Variants in RBFOX1 observed in about 807,000 individuals in gnomAD.
RBFOX1 encodes the protein RNA binding protein fox-1 homolog 1.
Under a neutral mutation model 57.7 loss-of-function variants are expected in RBFOX1, and 8 were observed. The ratio of observed to expected loss-of-function variants is 0.14; its 90% CI spans 0.08 to 0.25. The LOEUF (loss-of-function observed/expected upper bound fraction) is 0.25, where lower values mean the gene tolerates loss of function less well. Among genes scored for constraint, RBFOX1 ranks in the 10% least tolerant of loss-of-function variants. RBFOX1 has a pLI of 1.00. For missense variants in RBFOX1, 611 were observed against 548.5 expected (o/e 1.11, Z -1.14); for synonymous variants, 326 against 222.4 (o/e 1.47, Z -4.15).
chr16:6,589,707 A>C (rs1332894238), intron 2 of RBFOX1, among the ~76,000 whole-genome samples: 1 of 152,220 alleles, frequency 6.6e-6, no homozygotes, highest in Middle Eastern at 3.2e-3. Flanking sequence ...GTTCCCAGGC[A>C]TAAAGGGGGA....
intron 4 of RBFOX1, among the ~76,000 whole-genome samples, chr16:7,447,890 C>G (rs568584749): frequency 6.6e-6 from 1 of 152,200 alleles, no homozygotes; most frequent in African/African-American, 2.4e-5. Context: ...TCAGCATCAA[C>G]CCCCTGGAGG....
intron 4 of RBFOX1, among the ~76,000 whole-genome samples, chr16:5,941,913 G>C (rs1446891734): frequency 6.6e-6 from 1 of 151,530 alleles, no homozygotes; most frequent in East Asian, 1.9e-4. Flanking sequence ...AATGTACCTG[G>C]TATGAACTTT....
intron 2 of RBFOX1, among the ~76,000 whole-genome samples, chr16:6,544,242 G>T (rs1567624346): frequency 6.6e-6 from 1 of 152,146 alleles, no homozygotes; most frequent in African/African-American, 2.4e-5. Flanking sequence ...GGGGAAAGAG[G>T]TACTTCTTGG....
rs113663080 is a variant in RBFOX1 at position 7,648,508 on chromosome 16, A to C, written c.758-5307A>C. 6.6e-3 allele frequency among the ~76,000 whole-genome samples: 999 copies of C among 152,300 alleles called. 12 individuals are homozygous for C. The highest frequency in any genetic ancestry group is 0.022 in the African/African-American group (932 of 41,574). ...AAAGTGTTGGGATTACAGGTGTGAG[A>C]CACTGTGCCTGACCAGGAAAATTCT... On this transcript the variant is annotated intron_variant, in intron 11 of 15. Transcript: ENST00000550418.
chr16:7,129,940 G>C (rs372198227), intron 4 of RBFOX1, among the ~76,000 whole-genome samples: 76 of 151,976 alleles, frequency 5.0e-4, no homozygotes, highest in African/African-American at 1.7e-3. Flanking sequence ...TCCATTTCCT[G>C]CTTCAAATCT....
At chr16:6,903,697 A>C (rs1397028551) in intron 3 of RBFOX1, among the ~76,000 whole-genome samples, 1 of 152,096 alleles carries the variant, frequency 6.6e-6, no homozygotes, top group East Asian at 1.9e-4. Flanking sequence ...GAAAGTCTTT[A>C]AGGGCAGCAG....
At chr16:5,717,578 A>C (rs535874776) in intron 3 of RBFOX1, among the ~76,000 whole-genome samples, 18 of 152,126 alleles carry the variant, frequency 1.2e-4, no homozygotes, top group Non-Finnish European at 2.1e-4. Flanking sequence ...CTTAGCTCCC[A>C]CTTATAAGTG....
chr16:6,135,115 G>C (rs1175710692), intron 1 of RBFOX1, among the ~76,000 whole-genome samples: 1 of 152,056 alleles, frequency 6.6e-6, no homozygotes, highest in Non-Finnish European at 1.5e-5. Flanking sequence ...TTGTCCTTGC[G>C]ATAGTTTGCT....
Position 7,090,848 on chromosome 16 carries a change from C to T in RBFOX1, c.27+38750C>T, listed in dbSNP as rs552870818. On this transcript the variant is annotated intron_variant, in intron 4 of 15. Coordinates refer to ENST00000550418, the MANE Select transcript of RBFOX1 (RefSeq NM_018723.4). ...GATCTGAGCTGAGCACCAGGCTACA[C>T]TTGCCGTAGAATGAAGTAAAACCCT... 1.5e-3 allele frequency among the ~76,000 whole-genome samples: 228 copies of T among 152,270 alleles called. 1 individual carries two copies. Among genetic ancestry groups the T allele is most frequent in the African/African-American group, 5.1e-3 (213 of 41,550 alleles).
chr16:6,230,740 G>A (rs1447257720), intron 1 of RBFOX1, among the ~76,000 whole-genome samples: 3 of 152,208 alleles, frequency 2.0e-5, no homozygotes, highest in Non-Finnish European at 4.4e-5. Context: ...GGAAAGAGCT[G>A]CACACCTGGG....
intron 3 of RBFOX1, among the ~76,000 whole-genome samples, chr16:5,860,720 G>C (rs2057191793): frequency 6.6e-6 from 1 of 152,180 alleles, no homozygotes; most frequent in Admixed American, 6.5e-5. Context: ...CAGAAGATCA[G>C]AGAGGATTCA....
At chr16:5,532,029 A>G (rs1252940138) in intron 2 of RBFOX1, among the ~76,000 whole-genome samples, 1 of 152,080 alleles carries the variant, frequency 6.6e-6, no homozygotes, top group Non-Finnish European at 1.5e-5. Flanking sequence ...TGAACTCCTG[A>G]TCTCAAGTGA....
chr16:6,828,521 T>G (rs2092414694), intron 3 of RBFOX1, among the ~76,000 whole-genome samples: 1 of 150,850 alleles, frequency 6.6e-6, no homozygotes, highest in South Asian at 2.1e-4. Context: ...AGACGTGTCT[T>G]TAAAAAAAAA....
At chr16:6,671,364 A>G (rs2098763827) in intron 3 of RBFOX1, among the ~76,000 whole-genome samples, 1 of 152,200 alleles carries the variant, frequency 6.6e-6, no homozygotes, top group African/African-American at 2.4e-5. Context: ...ATAAAAACAC[A>G]TCTTATAAGA....
intron 1 of RBFOX1, among the ~76,000 whole-genome samples, chr16:5,315,598 C>G (rs904517899): frequency 2.3e-4 from 35 of 152,140 alleles, no homozygotes; most frequent in African/African-American, 8.0e-4. Context: ...ACAATTATGC[C>G]TGATGTTTGT....
chr16:6,561,858 G>A (rs1331926372), intron 2 of RBFOX1, among the ~76,000 whole-genome samples: 1 of 152,144 alleles, frequency 6.6e-6, no homozygotes, highest in Non-Finnish European at 1.5e-5. Flanking sequence ...CCACAAGTTG[G>A]ATTCTGGTGA....
At chr16:7,471,361 T>G (rs535793308) in intron 4 of RBFOX1, among the ~76,000 whole-genome samples, 3 of 152,160 alleles carry the variant, frequency 2.0e-5, no homozygotes, top group Non-Finnish European at 2.9e-5. Flanking sequence ...GCTGGGCTAA[T>G]TTTTTTTAAT....
chr16:5,514,538 A>G (rs2043720964), intron 2 of RBFOX1, among the ~76,000 whole-genome samples: 1 of 152,212 alleles, frequency 6.6e-6, no homozygotes, highest in Admixed American at 6.5e-5. Context: ...GGCAGAAGGC[A>G]TAGTGTGGGT....
chr16:5,341,640 C>T (rs1248664946), intron 1 of RBFOX1, among the ~76,000 whole-genome samples: 1 of 152,132 alleles, frequency 6.6e-6, no homozygotes, highest in East Asian at 1.9e-4. Flanking sequence ...TGGTTTAATG[C>T]TCTGCTTTTG....
Sources: gnomAD v4.1 joint callset for allele counts (sites outside exome capture counted in the v4.1 genomes callset) on GRCh38, gnomAD v4.1.1 for gene constraint, MANE v1.5 for transcripts, NCBI Gene and HGNC (gene_info 2026-07-23, HGNC 2026-07-21) for gene names.